Variants in VSTM1 observed in about 807,000 individuals in gnomAD.
The protein encoded by VSTM1 is V-set and transmembrane domain-containing protein 1.
In VSTM1, 27 loss-of-function variants were observed where a neutral mutation model predicts 33.1. The ratio of observed to expected loss-of-function variants is 0.82; its 90% CI spans 0.60 to 1.12. The LOEUF is 1.12. Ranked by LOEUF, VSTM1 falls within the 50% of genes most tolerant of loss-of-function variation. VSTM1 has a pLI of 0.00. For missense variants in VSTM1, 304 were observed against 288.9 expected (o/e 1.05, Z -0.38); for synonymous variants, 115 against 110.3 (o/e 1.04, Z -0.27).
intron 1 of VSTM1, among the ~76,000 whole-genome samples, chr19:54,062,585 G>C (rs1471873381): frequency 6.6e-6 from 1 of 151,862 alleles, no homozygotes; most frequent in African/African-American, 2.4e-5. Flanking sequence ...TTAGCCAGGC[G>C]TGGTGGCGTG....
intron 3 of VSTM1, among the ~76,000 whole-genome samples, chr19:54,053,342 C>T (rs2070944182): frequency 7.0e-6 from 1 of 142,244 alleles, no homozygotes; most frequent in South Asian, 2.3e-4. Flanking sequence ...GGTGTTCATG[C>T]CTTTGTCTAA....
rs777922210 is a variant in VSTM1 at position 54,056,522 on chromosome 19, A to G, written c.355+1784T>C. Among the ~76,000 whole-genome samples, 51 of 137,886 alleles carry G rather than the reference A, an allele frequency of 3.7e-4. 6 individuals are homozygous for G. Among genetic ancestry groups the G allele is most frequent in the Admixed American group, 2.3e-3 (31 of 13,362 alleles). 90.5% of individuals were successfully genotyped at this position (137,886 alleles called of 152,430 possible). On this transcript the variant is annotated intron_variant, in intron 3 of 8. Transcript: ENST00000338372. The stretch of plus-strand genomic sequence containing the variant: ...AGGCATGAACCACCACACCTGGCCA[A>G]CTCTAATCTTGTTCTCCCCACAAAA...
chr19:54,051,147 C>T (rs1368481047), intron 4 of VSTM1, among the ~76,000 whole-genome samples: 2 of 151,856 alleles, frequency 1.3e-5, no homozygotes, highest in African/African-American at 2.4e-5. Context: ...CAAAAATTAG[C>T]TGGGTGTGGT....
Position 54,041,071 on chromosome 19 carries a change from G to A in VSTM1, c.601C>T (p.Pro201Ser). The A allele has an allele frequency of 6.3e-7, 1 of 1,583,526 alleles. No individual in the cohort carries two copies. Among genetic ancestry groups the A allele is most frequent in the Non-Finnish European group, 8.6e-7 (1 of 1,169,544 alleles). ...MERVSLSTAD[P>S]QGVTYAELST... is the part of the protein sequence containing the mutation. ...AGCTCAGCATAGGTCACTCCTTGGGGGTCTGCCGTCTTTGGAGAAAATAGA... is the reference window on the plus strand; with the variant it reads ...AGCTCAGCATAGGTCACTCCTTGGGAGTCTGCCGTCTTTGGAGAAAATAGA... The change falls in exon 9 of 9, where the codon CCC becomes TCC. Residue 201 changes from proline (P) to serine (S), a missense_variant. Coordinates refer to ENST00000338372, the MANE Select transcript of VSTM1 (RefSeq NM_198481.4).
chr19:54,050,798 G>A (rs2146084957), intron 4 of VSTM1, among the ~76,000 whole-genome samples: 1 of 151,966 alleles, frequency 6.6e-6, no homozygotes, highest in South Asian at 2.1e-4. Flanking sequence ...TGGCCAACAT[G>A]GTGAAACCCC....
rs1157762677 is a variant in VSTM1, at chr19:54,054,018, AT to A, written c.356-2571del. ...TTTTTGTGCCAGGTATTTTGCATTA[AT>A]TTTTTTTTGTAATGGAAGCATTTAT... is the stretch of plus-strand genomic sequence containing the variant. On this transcript the variant is annotated intron_variant, in intron 3 of 8. Transcript: ENST00000338372. 8.5e-3 allele frequency among the ~76,000 whole-genome samples: 1,193 copies of A among 140,708 alleles called. 164 individuals are homozygous for A. The highest frequency in any genetic ancestry group is 0.029 in the African/African-American group (1,121 of 38,126). 92.3% of individuals were successfully genotyped at this position (140,708 alleles called of 152,430 possible). A position where few individuals can be genotyped will look rare whatever the true frequency, so the allele number is the denominator to read the frequency against.
intron 1 of VSTM1, among the ~76,000 whole-genome samples, chr19:54,061,930 C>A (rs1478625934): frequency 2.0e-5 from 3 of 152,114 alleles, no homozygotes; most frequent in Non-Finnish European, 4.4e-5. Flanking sequence ...CTGAGGCGGG[C>A]AGATCACCTG....
rs144710636 is a variant in VSTM1 at position 54,041,070 on chromosome 19, G to T, written c.602C>A (p.Pro201His). 5.7e-6 allele frequency: 9 copies of T among 1,584,518 alleles called. No individual in the cohort carries two copies. In the African/African-American group the frequency reaches 1.1e-4, roughly 19 times the overall value. Residue 201 changes from proline to histidine, a missense_variant, in exon 9 of 9, where the codon CCC (proline) becomes CAC (histidine). By Grantham distance (77) the Pro-to-His change is moderately conservative. Transcript: ENST00000338372. Reference sequence around the variant, plus strand: ...TAGCTCAGCATAGGTCACTCCTTGGGGGTCTGCCGTCTTTGGAGAAAATAG... The same window carrying T: ...TAGCTCAGCATAGGTCACTCCTTGGTGGTCTGCCGTCTTTGGAGAAAATAG... ...MERVSLSTAD[P>H]QGVTYAELST...
Position 54,041,907 on chromosome 19 carries a change from G to A in VSTM1, c.553+9C>T, listed in dbSNP as rs2070295158. On this transcript the variant is annotated intron_variant, in intron 7 of 8. Transcript: ENST00000338372. Reference sequence around the variant, plus strand: ...CCGGTGATTCCCTTAAACTTCCCCTGTCCCTTACCGGCAGCCTCCTGCTCC... The same window carrying A: ...CCGGTGATTCCCTTAAACTTCCCCTATCCCTTACCGGCAGCCTCCTGCTCC... The A allele has an allele frequency of 5.6e-6, 9 of 1,614,120 alleles. No homozygotes were observed. The highest frequency in any genetic ancestry group is 7.6e-6 in the Non-Finnish European group (9 of 1,180,028).
At chr19:54,058,993 C>T (rs1051373036) in intron 1 of VSTM1, among the ~76,000 whole-genome samples, 7 of 148,506 alleles carry the variant, frequency 4.7e-5, no homozygotes, top group Non-Finnish European at 7.4e-5. Flanking sequence ...TTACCTCTTA[C>T]TTTTGTTCCA....
At position 54,057,101 on chromosome 19, in the gene VSTM1, C is replaced by T. The variant is rs567675205; in HGVS notation, c.355+1205G>A. ...GAACTCCCGACCTCAAGTGATCTGCCCACCTCTGCCTCCCAAAGTGCTGGG... is the reference window on the plus strand; with the variant it reads ...GAACTCCCGACCTCAAGTGATCTGCTCACCTCTGCCTCCCAAAGTGCTGGG... On this transcript the variant is annotated intron_variant, in intron 3 of 8. Transcript: ENST00000338372. Among the ~76,000 whole-genome samples, 18 of 140,700 alleles carry T rather than the reference C, an allele frequency of 1.3e-4. 1 individual carries two copies. Among genetic ancestry groups the T allele is most frequent in the African/African-American group, 4.4e-4 (17 of 38,306 alleles). 92.3% of individuals were successfully genotyped at this position (140,700 alleles called of 152,430 possible).
intron 4 of VSTM1, among the ~76,000 whole-genome samples, chr19:54,042,810 A>ATATATATATATG (rs1476170665): frequency 2.8e-4 from 10 of 36,244 alleles, no homozygotes; most frequent in African/African-American, 7.2e-4. Flanking sequence ...AAATGTGTAT[A>ATATATATATATG]TATATATATA....
chr19:54,048,306 G>A (rs868207902), intron 4 of VSTM1: 2 of 357,624 alleles, frequency 5.6e-6, no homozygotes, highest in Middle Eastern at 9.3e-4. Flanking sequence ...TGTAGAGATG[G>A]GATCTTACCA....
chr19:54,041,362 C>T (rs923731796), intron 8 of VSTM1, among the ~76,000 whole-genome samples: 4 of 151,758 alleles, frequency 2.6e-5, no homozygotes, highest in Admixed American at 6.6e-5. Flanking sequence ...AGTGCGGTGG[C>T]GTGATCTCGG....
intron 4 of VSTM1, among the ~76,000 whole-genome samples, chr19:54,047,604 T>C (rs1208559892): frequency 6.6e-6 from 1 of 152,144 alleles, no homozygotes. Context: ...GCAACAATTC[T>C]ATCAGTGCAT....
At position 54,040,976 on chromosome 19, in the gene VSTM1, C is replaced by T. The variant is rs143957299; in HGVS notation, c.696G>A (p.Ala232=). ...TQEPPGSHEY[A]ALKV ...TGTCTTCTTGCTACACTTTCAGTGC[C>T]GCATATTCATGAGATCCTGGGGGCT... Residue 232 remains alanine, a synonymous_variant, in exon 9 of 9, where the codon GCG becomes GCA. Transcript: ENST00000338372. The T allele has an allele frequency of 1.9e-5, 31 of 1,610,132 alleles. No individual in the cohort carries two copies. The highest frequency in any genetic ancestry group is 8.1e-5 in the African/African-American group (6 of 74,522).
At chr19:54,052,270 C>T (rs1293926637) in intron 3 of VSTM1, among the ~76,000 whole-genome samples, 1 of 149,534 alleles carries the variant, frequency 6.7e-6, no homozygotes, top group African/African-American at 2.5e-5. Context: ...TGGTGGCGGG[C>T]CCCTGTAGTC....
rs2303558 is a variant in VSTM1, at chr19:54,040,935, C to T, written c.*26G>A. 0.31 allele frequency: 495,211 copies of T among 1,602,404 alleles called. 80,502 individuals carry two copies. Among genetic ancestry groups the T allele is most frequent in the Non-Finnish European group, 0.34 (394,579 of 1,174,680 alleles). On this transcript the variant is annotated 3_prime_UTR_variant, in exon 9 of 9. Coordinates refer to ENST00000338372, the MANE Select transcript of VSTM1 (RefSeq NM_198481.4). ...ACCTTGGCCAGCACGATCCCCCCTCCTTTAGTGGCCAGGGCTGTCTTCTTG... is the reference window on the plus strand; with the variant it reads ...ACCTTGGCCAGCACGATCCCCCCTCTTTTAGTGGCCAGGGCTGTCTTCTTG...
Position 54,061,194 on chromosome 19 carries a change from T to G in VSTM1, c.35-2462A>C, listed in dbSNP as rs145366957. 5.8e-3 allele frequency among the ~76,000 whole-genome samples: 881 copies of G among 151,920 alleles called. 7 individuals are homozygous for G. The highest frequency in any genetic ancestry group is 0.02 in the African/African-American group (825 of 41,404). ...CACCATGCCCAGCTAATTTTTGTAT[T>G]TTTAGTAGAGACGGGGTTTCACCAT... is the stretch of plus-strand genomic sequence containing the variant. On this transcript the variant is annotated intron_variant, in intron 1 of 8. Transcript: ENST00000338372.
Sources: allele counts gnomAD v4.1 joint callset (sites outside exome capture counted in the v4.1 genomes callset), GRCh38; gene constraint gnomAD v4.1.1; transcripts MANE v1.5; gene names NCBI Gene and HGNC (gene_info 2026-07-23, HGNC 2026-07-21).